PIGX: variants seen among roughly 807,000 people sequenced by gnomAD.
PIGX encodes GPI alpha-1,4-mannosyltransferase I, stabilizing subunit.
A neutral mutation model predicts 28.7 loss-of-function variants in PIGX; 24 were observed. The ratio of observed to expected loss-of-function variants is 0.84; its 90% CI spans 0.60 to 1.17. The LOEUF is 1.17. PIGX is among the 50% of genes most tolerant of loss of function. PIGX has a pLI of 0.00. For synonymous variants in PIGX, 127 were observed against 121.0 expected (o/e 1.05, Z -0.33); for missense variants, 305 against 317.8 (o/e 0.96, Z 0.31).
intron 5 of PIGX, among the ~76,000 whole-genome samples, chr3:196,732,345 G>A (rs1295253382): frequency 2.1e-5 from 3 of 139,638 alleles, no homozygotes; most frequent in African/African-American, 5.4e-5. Context: ...GCAGTGGCAC[G>A]ATCTCGGCTC....
chr3:196,714,195 G>A (rs141204281), intron 1 of PIGX, among the ~76,000 whole-genome samples: 4 of 152,286 alleles, frequency 2.6e-5, no homozygotes, highest in Admixed American at 6.5e-5. Context: ...TGGGCACAGT[G>A]GCTCACACCT....
intron 2 of PIGX, 91 bp downstream of exon 2, chr3:196,717,012 A>G: frequency 1.3e-6 from 1 of 799,730 alleles, no homozygotes; most frequent in African/African-American, 1.8e-5. Context: ...TATAAATTGA[A>G]AAATCAGGCC....
chr3:196,729,656 GGATT>G, intron 4 of PIGX, among the ~76,000 whole-genome samples: 2 of 151,278 alleles, frequency 1.3e-5, no homozygotes, highest in Non-Finnish European at 2.9e-5. Flanking sequence ...CAAAGTGCTG[GGATT>G]ACAGGCGTGA....
Position 196,733,719 on chromosome 3 carries a change from A to G in PIGX, c.634-40A>G, listed in dbSNP as rs941034190. ...TGAGCTACCACACCGGGCCCATGAC[A>G]TGCATTTTCAATGTCTAACTTCTCT... On this transcript the variant is annotated intron_variant, in intron 5 of 5. Transcript: ENST00000392391. This position sits in a 1 kb window ranked among gnomAD's most constrained non-coding sequence, Gnocchi z 4.3. The G allele has an allele frequency of 1.2e-5, 18 of 1,511,286 alleles. No homozygotes were observed. The highest frequency in any genetic ancestry group is 1.4e-5 in the Non-Finnish European group (15 of 1,089,276). The allele number at this position is 1,511,286 out of a possible 1,614,324, so 93.6% of individuals were successfully genotyped here. A position where few individuals can be genotyped will look rare whatever the true frequency, so the allele number is the denominator to read the frequency against.
At chr3:196,718,125 A>G (rs1177932906) in intron 2 of PIGX, among the ~76,000 whole-genome samples, 1 of 152,114 alleles carries the variant, frequency 6.6e-6, no homozygotes, top group Non-Finnish European at 1.5e-5. Flanking sequence ...CGTGGCAAAC[A>G]CGGTGAAACC....
intron 4 of PIGX, among the ~76,000 whole-genome samples, chr3:196,729,126 G>A (rs1712640791): frequency 6.6e-6 from 1 of 152,060 alleles, no homozygotes; most frequent in African/African-American, 2.4e-5. Flanking sequence ...GAGTTCAGGA[G>A]TTCGAGACCA....
chr3:196,729,827 TG>T lies in PIGX; in HGVS notation c.533-1162del, dbSNP rs566627894. Among the ~76,000 whole-genome samples, 8 of 150,378 alleles carry T rather than the reference TG, an allele frequency of 5.3e-5. No homozygotes were observed. The South Asian group carries it at 1.7e-3, about 32-fold the overall frequency. ...TATCACACCTGTAATCCCAGCACTTTGGGAGGCCGAGGCAGGCGGATCAGTT... is the reference window on the plus strand; with the variant it reads ...TATCACACCTGTAATCCCAGCACTTTGGAGGCCGAGGCAGGCGGATCAGTT... On this transcript the variant is annotated intron_variant, in intron 4 of 5. Transcript: ENST00000392391.
At chr3:196,732,242 A>ATTTTTT (rs1560080604) in intron 5 of PIGX, among the ~76,000 whole-genome samples, 1 of 38,298 alleles carries the variant, frequency 2.6e-5, no homozygotes, top group Non-Finnish European at 4.7e-5. Context: ...ATATATATAT[A>ATTTTTT]TATATATATA....
chr3:196,734,055 A>T lies in PIGX; in HGVS notation c.*153A>T. ...AGGAAATTTGGGATCATTCTCAGCT[A>T]ATTCCAAAATGTAGTGCTCTATTGC... is the stretch of plus-strand genomic sequence containing the variant. On this transcript the variant is annotated 3_prime_UTR_variant, in exon 6 of 6. Transcript: ENST00000392391. 1 of 589,394 alleles carries T rather than the reference A, an allele frequency of 1.7e-6. No individual in the cohort carries two copies. The highest frequency in any genetic ancestry group is 3.0e-6 in the Non-Finnish European group (1 of 332,750). The allele number at this position is 589,394 out of a possible 1,614,324, so 36.5% of individuals were successfully genotyped here.
chr3:196,729,457 A>G (rs1228066692), intron 4 of PIGX, among the ~76,000 whole-genome samples: 1 of 148,838 alleles, frequency 6.7e-6, no homozygotes, highest in Non-Finnish European at 1.5e-5. Flanking sequence ...CCCAGGCTGG[A>G]GTGCAGTGGC....
At chr3:196,721,414 T>C (rs956837679) in intron 2 of PIGX, 3 of 162,020 alleles carry the variant, frequency 1.9e-5, no homozygotes, top group Non-Finnish European at 2.7e-5. Flanking sequence ...TTTAGTTTTT[T>C]AAAAAATATC....
chr3:196,725,757 C>T (rs1257048025), intron 3 of PIGX, among the ~76,000 whole-genome samples: 2 of 152,192 alleles, frequency 1.3e-5, no homozygotes, highest in African/African-American at 4.8e-5. Flanking sequence ...CTCGTCCCAG[C>T]AACCAGACTG....
intron 3 of PIGX, among the ~76,000 whole-genome samples, chr3:196,724,139 C>T (rs200931696): frequency 2.6e-5 from 4 of 151,604 alleles, no homozygotes; most frequent in Admixed American, 6.6e-5. Context: ...CTCAGCCTCC[C>T]GAGTAGCTAG....
chr3:196,719,951 C>T lies in PIGX; in HGVS notation c.177-2464C>T, dbSNP rs181751056. 8.1e-3 allele frequency among the ~76,000 whole-genome samples: 1,228 copies of T among 152,190 alleles called. 12 individuals carry two copies. Among genetic ancestry groups the T allele is most frequent in the African/African-American group, 0.028 (1,173 of 41,522 alleles). Reference sequence around the variant, plus strand: ...CCTGCCACCACACCCAGCTAATTTTCGTATTTTCAGTAGAGATGGGATTTC... The same window carrying T: ...CCTGCCACCACACCCAGCTAATTTTTGTATTTTCAGTAGAGATGGGATTTC... On this transcript the variant is annotated intron_variant, in intron 2 of 5. Coordinates refer to ENST00000392391, the MANE Select transcript of PIGX (RefSeq NM_017861.4).
chr3:196,732,239 TATATATATA>T lies in PIGX; in HGVS notation c.633+1148_633+1156del, dbSNP rs1712808295. Among the ~76,000 whole-genome samples the T allele has an allele frequency of 1.7e-4, 11 of 65,924 alleles. 2 individuals are homozygous for T. Among genetic ancestry groups the T allele is most frequent in the South Asian group, 5.2e-4 (1 of 1,934 alleles). The allele number at this position is 65,924 out of a possible 152,430, so 43.2% of individuals were successfully genotyped here. On this transcript the variant is annotated intron_variant, in intron 5 of 5. Transcript: ENST00000392391. Reference sequence around the variant, plus strand: ...ATTTATATATATATATATATATATATATATATATATATATATATTTTATTTTATTTTATT... The same window carrying T: ...ATTTATATATATATATATATATATATTATATATATTTTATTTTATTTTATT...
chr3:196,719,437 G>A (rs1056834285), intron 2 of PIGX, among the ~76,000 whole-genome samples: 2 of 152,026 alleles, frequency 1.3e-5, no homozygotes, highest in Non-Finnish European at 2.9e-5. Flanking sequence ...CCATTAACTC[G>A]TCATTTAGCA....
intron 5 of PIGX, among the ~76,000 whole-genome samples, chr3:196,732,258 T>TATA (rs1712826203): frequency 2.8e-5 from 1 of 35,594 alleles, no homozygotes; most frequent in Non-Finnish European, 5.2e-5. Context: ...ATATATATAT[T>TATA]TTATTTTATT....
chr3:196,734,958 G>GA lies in PIGX; in HGVS notation c.*1063dup, dbSNP rs1269620481. On this transcript the variant is annotated 3_prime_UTR_variant, in exon 6 of 6. Transcript: ENST00000392391. Reference sequence around the variant, plus strand: ...GGTTCTTCATTTACTGTTATGATTGGAAAAAAATTAGAAAATAAAGTAAGT... The same window carrying GA: ...GGTTCTTCATTTACTGTTATGATTGGAAAAAAAATTAGAAAATAAAGTAAGT... 3 of 151,862 alleles carry GA rather than the reference G, an allele frequency of 2.0e-5. No individual in the cohort carries two copies. The highest frequency in any genetic ancestry group is 4.4e-5 in the Non-Finnish European group (3 of 67,940). 9.4% of individuals were successfully genotyped at this position (151,862 alleles called of 1,614,324 possible).
At chr3:196,730,182 A>G (rs80259701) in intron 4 of PIGX, among the ~76,000 whole-genome samples, 9 of 152,130 alleles carry the variant, frequency 5.9e-5, no homozygotes, top group Non-Finnish European at 7.4e-5. Context: ...AAAATGTTCA[A>G]TTATATTACC....
Sources: gnomAD v4.1 joint callset for allele counts (sites outside exome capture counted in the v4.1 genomes callset) on GRCh38, gnomAD v4.1.1 for gene constraint, Gnocchi (gnomAD v3.1) non-coding constraint, MANE v1.5 for transcripts, NCBI Gene and HGNC (gene_info 2026-07-23, HGNC 2026-07-21) for gene names.